RFX3: variants seen among roughly 807,000 people sequenced by gnomAD.
The protein encoded by RFX3 is regulatory factor X3, also known as transcription factor RFX3.
In RFX3, 14 loss-of-function variants were observed where a neutral mutation model predicts 98.6. That is an observed-to-expected ratio of 0.14 (90% CI 0.09 to 0.22). The LOEUF is 0.22. RFX3 is among the 10% of genes least tolerant of loss of function. RFX3 has a pLI of 1.00. For missense variants in RFX3, 639 were observed against 926.9 expected (o/e 0.69, Z 4.03); for synonymous variants, 383 against 328.4 (o/e 1.17, Z -1.80).
chr9:3,228,838 G>A lies in RFX3; in HGVS notation c.2011+9C>T, dbSNP rs149980652. The stretch of plus-strand genomic sequence containing the variant: ...AGTTCTTAAAATGTACATTATTTTC[G>A]ATTCTTACCTTTATCCAGATTTCCA... On this transcript the variant is annotated intron_variant, in intron 16 of 16. Transcript: ENST00000617270. 8.4e-3 allele frequency: 13,522 copies of A among 1,602,248 alleles called. 72 individuals are homozygous for A. The highest frequency in any genetic ancestry group is 0.01 in the Non-Finnish European group (11,906 of 1,175,162).
At chr9:3,292,800 G>C (rs996723850) in intron 6 of RFX3, among the ~76,000 whole-genome samples, 1 of 152,072 alleles carries the variant, frequency 6.6e-6, no homozygotes, top group African/African-American at 2.4e-5. Flanking sequence ...TGCAAATCTT[G>C]CATTAACAGG....
At chr9:3,367,263 T>C (rs1031176642) in intron 2 of RFX3, among the ~76,000 whole-genome samples, 7 of 151,856 alleles carry the variant, frequency 4.6e-5, no homozygotes, top group African/African-American at 1.7e-4. Context: ...GCTTTGAAAA[T>C]GGAGGGGCTA....
chr9:3,402,820 G>A (rs931673509), intron 1 of RFX3, among the ~76,000 whole-genome samples: 1 of 151,644 alleles, frequency 6.6e-6, no homozygotes, highest in Non-Finnish European at 1.5e-5. Context: ...TTTTGGGGAG[G>A]AAATTACTGA....
At position 3,424,375 on chromosome 9, in the gene RFX3, T is replaced by TTTTG. The variant is rs1554704743; in HGVS notation, c.-8-28780_-8-28779insCAAA. ...TTTTTTTTTTTTTTTTTTTTTTTTT[T>TTTTG]TTTTGAGACGGAGTCTCGCTCTGTC... On this transcript the variant is annotated intron_variant, in intron 1 of 16. Coordinates refer to ENST00000617270, the MANE Select transcript of RFX3 (RefSeq NM_001282116.2). Among the ~76,000 whole-genome samples, 32 of 129,630 alleles carry TTTTG rather than the reference T, an allele frequency of 2.5e-4. 1 individual carries two copies. Among genetic ancestry groups the TTTTG allele is most frequent in the Non-Finnish European group, 3.7e-4 (22 of 60,024 alleles). The allele number at this position is 129,630 out of a possible 152,430, so 85.0% of individuals were successfully genotyped here.
At chr9:3,287,272 C>A (rs957476461) in intron 7 of RFX3, among the ~76,000 whole-genome samples, 19 of 151,916 alleles carry the variant, frequency 1.3e-4, no homozygotes, top group Admixed American at 1.1e-3. Context: ...CAGATCATTA[C>A]ACTGGGACCT....
At chr9:3,340,921 T>C (rs1349664321) in intron 3 of RFX3, among the ~76,000 whole-genome samples, 1 of 152,226 alleles carries the variant, frequency 6.6e-6, no homozygotes, top group Non-Finnish European at 1.5e-5. Flanking sequence ...CCCAAAGGAT[T>C]ATAAATCATG....
At chr9:3,485,429 T>C (rs1330793014) in intron 1 of RFX3, among the ~76,000 whole-genome samples, 5 of 152,212 alleles carry the variant, frequency 3.3e-5, no homozygotes, top group Non-Finnish European at 7.3e-5. Context: ...AATTAGTAAG[T>C]GAGTGAACCA....
Position 3,427,560 on chromosome 9 carries a change from C to G in RFX3, c.-8-31964G>C, listed in dbSNP as rs144999717. Among the ~76,000 whole-genome samples, 343 of 150,372 alleles carry G rather than the reference C, an allele frequency of 2.3e-3. 2 individuals carry two copies. The highest frequency in any genetic ancestry group is 3.9e-3 in the Admixed American group (59 of 15,004). ...AGAACATGGATTCTGCTATGATCCT[C>G]TGAAGAATGGTAATCTTTGTTCTCA... On this transcript the variant is annotated intron_variant, in intron 1 of 16. Transcript: ENST00000617270.
intron 3 of RFX3, among the ~76,000 whole-genome samples, 196 bp from the exon 4 acceptor site, chr9:3,330,713 A>G (rs942959420): frequency 6.6e-6 from 1 of 152,224 alleles, no homozygotes; most frequent in Admixed American, 6.5e-5. Flanking sequence ...TCATTTAAAT[A>G]AGTACCTCAA....
At chr9:3,407,406 C>T (rs1564059831) in intron 1 of RFX3, among the ~76,000 whole-genome samples, 1 of 151,962 alleles carries the variant, frequency 6.6e-6, no homozygotes, top group Non-Finnish European at 1.5e-5. Flanking sequence ...TGAGGCATAA[C>T]TTAAATAATT....
chr9:3,267,718 C>T (rs1364055089), intron 11 of RFX3, among the ~76,000 whole-genome samples: 1 of 149,406 alleles, frequency 6.7e-6, no homozygotes, highest in African/African-American at 2.5e-5. Flanking sequence ...CCATGTTAGT[C>T]AAAAAAAGAA....
intron 2 of RFX3, among the ~76,000 whole-genome samples, chr9:3,366,196 C>T (rs1837046299): frequency 6.6e-6 from 1 of 152,134 alleles, no homozygotes; most frequent in South Asian, 2.1e-4. Context: ...CAGGACCCAA[C>T]ACAAATACAA....
chr9:3,519,738 GAAC>G (rs1818516608), intron 1 of RFX3, among the ~76,000 whole-genome samples: 1 of 151,976 alleles, frequency 6.6e-6, no homozygotes, highest in Non-Finnish European at 1.5e-5. Context: ...TCTATTTAAA[GAAC>G]AAAACCTATT....
At chr9:3,303,893 A>C (rs953850057) in intron 4 of RFX3, among the ~76,000 whole-genome samples, 1 of 152,036 alleles carries the variant, frequency 6.6e-6, no homozygotes, top group Non-Finnish European at 1.5e-5. Flanking sequence ...TCTTTGTGTC[A>C]CTTTGTAACA....
intron 2 of RFX3, among the ~76,000 whole-genome samples, chr9:3,382,079 G>A (rs544069825): frequency 6.2e-4 from 95 of 152,144 alleles, no homozygotes; most frequent in Middle Eastern, 3.4e-3. Flanking sequence ...TGTCACTCAG[G>A]CTAGAGATGT....
At chr9:3,326,324 G>A (rs916163432) in intron 4 of RFX3, among the ~76,000 whole-genome samples, 5 of 152,074 alleles carry the variant, frequency 3.3e-5, no homozygotes, top group Admixed American at 6.6e-5. Flanking sequence ...AACAAATGCT[G>A]ACTTTATAAA....
In RFX3 at chr9:3,366,973, C is replaced by A. The variant is rs140369783; in HGVS notation, c.118-20209G>T. Among the ~76,000 whole-genome samples, 363 of 152,044 alleles carry A rather than the reference C, an allele frequency of 2.4e-3. 1 individual carries two copies. The highest frequency in any genetic ancestry group is 8.4e-3 in the African/African-American group (348 of 41,448). On this transcript the variant is annotated intron_variant, in intron 2 of 16. Transcript: ENST00000617270. ...ATGTGAGTTATATGCTTCACTCTAC[C>A]TCACTGGCTATGAGTAAAGTATTAT...
chr9:3,313,478 C>T (rs1439018488), intron 4 of RFX3, among the ~76,000 whole-genome samples: 1 of 152,208 alleles, frequency 6.6e-6, no homozygotes, highest in African/African-American at 2.4e-5. Context: ...CAAAGGAACG[C>T]AGCTCCCCGC....
chr9:3,361,986 T>C (rs546397552), intron 2 of RFX3, among the ~76,000 whole-genome samples: 3 of 152,262 alleles, frequency 2.0e-5, no homozygotes, highest in African/African-American at 7.2e-5. Context: ...TCACAGGCTA[T>C]TTAATAAATC....
Sources: gnomAD v4.1 joint callset for allele counts (sites outside exome capture counted in the v4.1 genomes callset) on GRCh38, gnomAD v4.1.1 for gene constraint, MANE v1.5 for transcripts, NCBI Gene and HGNC (gene_info 2026-07-23, HGNC 2026-07-21) for gene names.